Variants in EGFLAM observed in about 807,000 individuals in gnomAD.
The protein encoded by EGFLAM is EGF like, fibronectin type III and laminin G domains.
In EGFLAM, 79 loss-of-function variants were observed where a neutral mutation model predicts 113.1. The ratio of observed to expected loss-of-function variants is 0.70; its 90% confidence interval spans 0.58 to 0.84. EGFLAM has a LOEUF of 0.84. Ranked by LOEUF, EGFLAM falls within the 40% of genes least tolerant of loss-of-function variation. EGFLAM has a pLI of 0.00. For missense variants in EGFLAM, 1,265 were observed against 1,291.6 expected (o/e 0.98, Z 0.32); for synonymous variants, 504 against 487.6 (o/e 1.03, Z -0.44).
At chr5:38,311,404 G>C (rs781047541) in intron 1 of EGFLAM, among the ~76,000 whole-genome samples, 1 of 152,078 alleles carries the variant, frequency 6.6e-6, no homozygotes, top group African/African-American at 2.4e-5. Context: ...CTGTGAGTTC[G>C]ACTTTTTAAG....
chr5:38,357,967 A>ATTTTTTT (rs70978882), intron 5 of EGFLAM, among the ~76,000 whole-genome samples: 2 of 119,416 alleles, frequency 1.7e-5, no homozygotes, highest in East Asian at 2.5e-4. Context: ...GGTTAAGTGA[A>ATTTTTTT]TTTTTTTTTT....
chr5:38,274,223 A>T (rs1237714575), intron 1 of EGFLAM, among the ~76,000 whole-genome samples: 1 of 152,196 alleles, frequency 6.6e-6, no homozygotes, highest in African/African-American at 2.4e-5. Flanking sequence ...GAAACAGCAA[A>T]TGTTTGAGTC....
intron 17 of EGFLAM, among the ~76,000 whole-genome samples, chr5:38,447,289 G>C (rs1316347312): frequency 6.6e-6 from 1 of 152,200 alleles, no homozygotes; most frequent in African/African-American, 2.4e-5. Context: ...GGGGCCAGAA[G>C]CCAGAATTAA....
chr5:38,342,611 T>C (rs1579796839), intron 3 of EGFLAM, among the ~76,000 whole-genome samples: 1 of 152,302 alleles, frequency 6.6e-6, no homozygotes. Context: ...AAGCCCACCT[T>C]ATCTTTTTCT....
At chr5:38,342,993 G>A (rs1034261810) in intron 3 of EGFLAM, among the ~76,000 whole-genome samples, 2 of 152,196 alleles carry the variant, frequency 1.3e-5, no homozygotes, top group Admixed American at 1.3e-4. Context: ...GGTTGACCCA[G>A]AACTTAGAGA....
chr5:38,336,923 A>G (rs1739202589), intron 1 of EGFLAM, among the ~76,000 whole-genome samples: 1 of 152,198 alleles, frequency 6.6e-6, no homozygotes, highest in Admixed American at 6.5e-5. Context: ...TTAGAATTAG[A>G]GATAATTTTT....
chr5:38,447,412 C>G (rs2112253368), intron 17 of EGFLAM, among the ~76,000 whole-genome samples: 1 of 152,260 alleles, frequency 6.6e-6, no homozygotes, highest in South Asian at 2.1e-4. Context: ...AATAACCAAC[C>G]CTTCCCTTCC....
At position 38,388,755 on chromosome 5, in the gene EGFLAM, G is replaced by GTC. The variant is rs1375847090; in HGVS notation, c.713-17370_713-17369dup. On this transcript the variant is annotated intron_variant, in intron 6 of 21. Coordinates refer to ENST00000322350, the MANE Select transcript of EGFLAM (RefSeq NM_152403.4). ...AGCCTGGGCAACAGAGTGAGACTCT[G>GTC]TCACAAAAAAAAAAAAAAAAAAGTT... Among the ~76,000 whole-genome samples, 8 of 134,036 alleles carry GTC rather than the reference G, an allele frequency of 6.0e-5. 3 individuals are homozygous for GTC. The highest frequency in any genetic ancestry group is 1.1e-4 in the Non-Finnish European group (7 of 65,162). 87.9% of individuals were successfully genotyped at this position (134,036 alleles called of 152,430 possible).
intron 17 of EGFLAM, among the ~76,000 whole-genome samples, chr5:38,442,545 A>C (rs918300451): frequency 2.0e-5 from 3 of 152,046 alleles, no homozygotes; most frequent in African/African-American, 7.2e-5. Flanking sequence ...ATAGGAAAAA[A>C]ATTTCAATTG....
At chr5:38,264,681 G>T (rs190392256) in intron 1 of EGFLAM, among the ~76,000 whole-genome samples, 101 of 152,236 alleles carry the variant, frequency 6.6e-4, no homozygotes, top group African/African-American at 2.4e-3. Flanking sequence ...GCAATTGGGG[G>T]AGATCTCTCA....
chr5:38,295,231 G>T (rs1758425284), intron 1 of EGFLAM, among the ~76,000 whole-genome samples: 1 of 152,214 alleles, frequency 6.6e-6, no homozygotes, highest in Non-Finnish European at 1.5e-5. Context: ...AGCACAGCTA[G>T]ATCCTGCTAA....
intron 16 of EGFLAM, 126 bp from the exon 17 acceptor site, chr5:38,438,149 T>C: frequency 1.2e-6 from 1 of 842,322 alleles, no homozygotes; most frequent in Non-Finnish European, 1.6e-6. Context: ...AAGTGGAAAC[T>C]GGACTTAAAA....
intron 1 of EGFLAM, among the ~76,000 whole-genome samples, chr5:38,270,685 T>C (rs1026292774): frequency 6.6e-6 from 1 of 152,218 alleles, no homozygotes; most frequent in Non-Finnish European, 1.5e-5. Context: ...AGTAGTTTCT[T>C]TATGCCTTAT....
At chr5:38,299,237 G>A (rs112073360) in intron 1 of EGFLAM, among the ~76,000 whole-genome samples, 11 of 152,286 alleles carry the variant, frequency 7.2e-5, no homozygotes, top group African/African-American at 2.6e-4. Flanking sequence ...AGACAAGACT[G>A]TGCCTACTCA....
chr5:38,412,701 T>C (rs1387727437), intron 11 of EGFLAM, 53 bp downstream of exon 11: 6 of 1,590,276 alleles, frequency 3.8e-6, no homozygotes, highest in Non-Finnish European at 5.1e-6. Flanking sequence ...ACCATAAGTC[T>C]CCTGAGAAGG....
In EGFLAM at chr5:38,309,872, C is replaced by T. The variant is rs551022694; in HGVS notation, c.98-27648C>T. On this transcript the variant is annotated intron_variant, in intron 1 of 21. Coordinates refer to ENST00000322350, the MANE Select transcript of EGFLAM (RefSeq NM_152403.4). ...GGACAGGCAAAATCCAACTTGCCTA[C>T]ACCTTAATAAATGACAGTGACCCAA... 3.3e-5 allele frequency among the ~76,000 whole-genome samples: 5 copies of T among 152,296 alleles called. No homozygotes were observed. The South Asian group carries it at 1.0e-3, about 32-fold the overall frequency.
At chr5:38,370,271 T>G in intron 5 of EGFLAM, 25 bp from the exon 6 acceptor site, 1 of 1,604,606 alleles carries the variant, frequency 6.2e-7, no homozygotes, top group Non-Finnish European at 8.5e-7. Context: ...AACTACTGCT[T>G]CTTCTGTTTT....
chr5:38,336,119 C>T lies in EGFLAM; in HGVS notation c.98-1401C>T, dbSNP rs139752018. Reference sequence around the variant, plus strand: ...ATGACAAATGCTGTTTATTATGGCACATGTGTTATATGGAAAAATTTACAG... The same window carrying T: ...ATGACAAATGCTGTTTATTATGGCATATGTGTTATATGGAAAAATTTACAG... On this transcript the variant is annotated intron_variant, in intron 1 of 21. Transcript: ENST00000322350. 3.3e-3 allele frequency among the ~76,000 whole-genome samples: 503 copies of T among 152,072 alleles called. 1 individual carries two copies. The highest frequency in any genetic ancestry group is 0.012 in the African/African-American group (484 of 41,448).
intron 1 of EGFLAM, among the ~76,000 whole-genome samples, chr5:38,306,369 G>A (rs1488988434): frequency 1.3e-5 from 2 of 152,140 alleles, no homozygotes; most frequent in African/African-American, 4.8e-5. Flanking sequence ...AGAAGCATGT[G>A]TTTTCCACCA....
Sources: gnomAD v4.1 joint callset for allele counts (sites outside exome capture counted in the v4.1 genomes callset) on GRCh38, gnomAD v4.1.1 for gene constraint, MANE v1.5 for transcripts, NCBI Gene and HGNC (gene_info 2026-07-23, HGNC 2026-07-21) for gene names.